Variants in ITFG1 observed in about 807,000 individuals in gnomAD.
ITFG1 encodes the protein integrin alpha FG-GAP repeat containing 1.
A neutral mutation model predicts 81.8 loss-of-function variants in ITFG1; 34 were observed. The observed-to-expected ratio is 0.42, with a 90% CI of 0.32 to 0.55. ITFG1 has a LOEUF of 0.55. Among genes scored for constraint, ITFG1 ranks in the 20% least tolerant of loss-of-function variants. The pLI is 0.17. For synonymous variants in ITFG1, 285 were observed against 270.6 expected, an observed-to-expected ratio of 1.05 and a Z score of -0.52; for missense variants, 672 against 755.4, an observed-to-expected ratio of 0.89 and a Z score of 1.29.
chr16:47,202,423 T>C (rs558136838), intron 14 of ITFG1: 2 of 152,298 alleles, frequency 1.3e-5, no homozygotes, highest in South Asian at 4.1e-4. Context: ...AAAGATGGCA[T>C]AGACAAAACA....
At position 47,254,553 on chromosome 16, in the gene ITFG1, G is replaced by T. The variant is rs140386248; in HGVS notation, c.1330+4079C>A. Reference sequence around the variant, plus strand: ...AGTGGAGTCGCAGGCCCTCATGCTAGTCAGCAAAACTCACAAGTATAGACA... The same window carrying T: ...AGTGGAGTCGCAGGCCCTCATGCTATTCAGCAAAACTCACAAGTATAGACA... On this transcript the variant is annotated intron_variant, in intron 12 of 17. Transcript: ENST00000320640. 2.0e-5 allele frequency among the ~76,000 whole-genome samples: 3 copies of T among 152,274 alleles called. No homozygotes were observed. The East Asian group carries it at 5.8e-4, about 29-fold the overall frequency.
intron 10 of ITFG1, among the ~76,000 whole-genome samples, chr16:47,275,196 G>A (rs1315627044): frequency 2.6e-5 from 4 of 151,930 alleles, no homozygotes; most frequent in African/African-American, 9.7e-5. Context: ...ATTCTACTCT[G>A]TTTAGCTGAC....
chr16:47,217,683 G>A (rs1180859150), intron 14 of ITFG1, among the ~76,000 whole-genome samples: 2 of 152,202 alleles, frequency 1.3e-5, no homozygotes, highest in Non-Finnish European at 2.9e-5. Flanking sequence ...CCAGCACTTT[G>A]GGAGGCTGAG....
At chr16:47,314,717 C>A (rs1967324851) in intron 8 of ITFG1, among the ~76,000 whole-genome samples, 1 of 152,158 alleles carries the variant, frequency 6.6e-6, no homozygotes, top group African/African-American at 2.4e-5. Flanking sequence ...ATTCACAATG[C>A]ACAGTCACTT....
chr16:47,437,827 T>C lies in ITFG1; in HGVS notation c.561-8929A>G, dbSNP rs773521543. On this transcript the variant is annotated intron_variant, in intron 5 of 17. Coordinates refer to ENST00000320640, the MANE Select transcript of ITFG1 (RefSeq NM_030790.5). ...AACTGAGGTACCGGGTACATCTCACTGGGGAATGCCGGACAGTGGGTGCAG... is the reference window on the plus strand; with the variant it reads ...AACTGAGGTACCGGGTACATCTCACCGGGGAATGCCGGACAGTGGGTGCAG... Among the ~76,000 whole-genome samples the C allele has an allele frequency of 4.6e-5, 7 of 152,208 alleles. No homozygotes were observed. In the South Asian group the frequency reaches 1.0e-3, roughly 23 times the overall value.
At chr16:47,390,943 A>G (rs1462552451) in intron 6 of ITFG1, among the ~76,000 whole-genome samples, 1 of 152,138 alleles carries the variant, frequency 6.6e-6, no homozygotes, top group East Asian at 1.9e-4. Flanking sequence ...AATACTTGTA[A>G]TTCAATTTTA....
intron 14 of ITFG1, among the ~76,000 whole-genome samples, chr16:47,183,810 A>G (rs1965168056): frequency 6.6e-6 from 1 of 152,230 alleles, no homozygotes; most frequent in Non-Finnish European, 1.5e-5. Flanking sequence ...GAGCTGAGAG[A>G]AGAAGGCTTC....
At position 47,181,352 on chromosome 16, in the gene ITFG1, G is replaced by A. The variant is rs573351191; in HGVS notation, c.1454-18688C>T. On this transcript the variant is annotated intron_variant, in intron 14 of 17. Coordinates refer to ENST00000320640, the MANE Select transcript of ITFG1 (RefSeq NM_030790.5). ...CAGCCGCCCCGTCCGGGAGGGAGGT[G>A]GGGGGGTCAGCCCCCCGCCCGGCCA... is the stretch of plus-strand genomic sequence containing the variant. 3.1e-4 allele frequency among the ~76,000 whole-genome samples: 47 copies of A among 149,382 alleles called. 2 individuals are homozygous for A. The South Asian group carries it at 9.8e-3, about 31-fold the overall frequency.
intron 6 of ITFG1, among the ~76,000 whole-genome samples, chr16:47,383,836 G>A (rs1377163405): frequency 2.6e-5 from 4 of 152,174 alleles, no homozygotes; most frequent in Admixed American, 2.0e-4. Flanking sequence ...TCCAGGAGGC[G>A]GAGGTTGCAG....
At chr16:47,419,950 TTC>T (rs947944471) in intron 6 of ITFG1, among the ~76,000 whole-genome samples, 2 of 149,662 alleles carry the variant, frequency 1.3e-5, no homozygotes, top group African/African-American at 5.0e-5. Context: ...TTTCTTTATC[TTC>T]TCTTTTTTTT....
chr16:47,400,140 C>T (rs1968642204), intron 6 of ITFG1, among the ~76,000 whole-genome samples: 1 of 152,300 alleles, frequency 6.6e-6, no homozygotes, highest in Non-Finnish European at 1.5e-5. Flanking sequence ...ATCCACCTGA[C>T]CCCAGAGCCT....
chr16:47,291,222 C>T (rs1966901504), intron 10 of ITFG1, among the ~76,000 whole-genome samples: 1 of 152,060 alleles, frequency 6.6e-6, no homozygotes, highest in Admixed American at 6.6e-5. Flanking sequence ...TTTCTTTCAG[C>T]ACTTTGAATA....
chr16:47,449,467 C>T (rs1482877217), intron 5 of ITFG1: 12 of 152,180 alleles, frequency 7.9e-5, no homozygotes, highest in African/African-American at 2.7e-4. Flanking sequence ...GCATATTCAG[C>T]TTTCTGTTGT....
chr16:47,397,744 A>C (rs1266900210), intron 6 of ITFG1, among the ~76,000 whole-genome samples: 2 of 152,192 alleles, frequency 1.3e-5, no homozygotes, highest in Non-Finnish European at 2.9e-5. Flanking sequence ...CAAGGCAATG[A>C]GGAAAACTAG....
intron 14 of ITFG1, among the ~76,000 whole-genome samples, chr16:47,208,428 C>T (rs1965526935): frequency 6.6e-6 from 1 of 152,198 alleles, no homozygotes; most frequent in African/African-American, 2.4e-5. Context: ...TTCCCAGAGT[C>T]TTTAAGCCTC....
chr16:47,286,563 C>A (rs900688700), intron 10 of ITFG1, among the ~76,000 whole-genome samples: 9 of 151,868 alleles, frequency 5.9e-5, no homozygotes, highest in Non-Finnish European at 1.2e-4. Context: ...TCACTTGAAC[C>A]CGGGAGGCAG....
chr16:47,378,333 A>G (rs1050677956), intron 6 of ITFG1, among the ~76,000 whole-genome samples: 3 of 152,252 alleles, frequency 2.0e-5, no homozygotes, highest in African/African-American at 7.2e-5. Context: ...GTGTCTTGAT[A>G]AGGCAGTTAG....
intron 8 of ITFG1, among the ~76,000 whole-genome samples, chr16:47,354,115 C>G (rs1255774394): frequency 2.0e-5 from 3 of 152,074 alleles, no homozygotes; most frequent in Non-Finnish European, 4.4e-5. Context: ...GCAAAAAGAA[C>G]AAAGCTGGGG....
intron 5 of ITFG1, among the ~76,000 whole-genome samples, chr16:47,430,749 GA>G (rs1349638345): frequency 1.3e-5 from 2 of 152,082 alleles, no homozygotes; most frequent in Non-Finnish European, 2.9e-5. Context: ...AGGATCTCTG[GA>G]AAACAGTTTG....
Sources: gnomAD v4.1 joint callset for allele counts (sites outside exome capture counted in the v4.1 genomes callset) on GRCh38, gnomAD v4.1.1 for gene constraint, MANE v1.5 for transcripts, NCBI Gene and HGNC (gene_info 2026-07-23, HGNC 2026-07-21) for gene names.